Variants in CFH observed in about 807,000 individuals in gnomAD.
CFH encodes the protein complement factor H.
A neutral mutation model predicts 147.3 loss-of-function variants in CFH; 53 were observed. The observed-to-expected ratio is 0.36, with a 90% CI of 0.29 to 0.45. CFH has a LOEUF of 0.45. CFH is among the 20% of genes least tolerant of loss of function. The pLI, the probability that CFH is intolerant of heterozygous loss-of-function variation, is 1.00. For missense variants in CFH, 1,380 were observed against 1,498.0 expected, an observed-to-expected ratio of 0.92 and a Z score of 1.30; for synonymous variants, 536 against 489.4, an observed-to-expected ratio of 1.10 and a Z score of -1.26.
At chr1:196,674,863 A>T (rs1172644138) in intron 3 of CFH, among the ~76,000 whole-genome samples, 1 of 152,118 alleles carries the variant, frequency 6.6e-6, no homozygotes, top group Non-Finnish European at 1.5e-5. Flanking sequence ...TGCATCATGG[A>T]TTGGCAGGAA....
At chr1:196,724,978 T>C in intron 11 of CFH, 143 bp from the exon 12 acceptor site, 3 of 648,664 alleles carry the variant, frequency 4.6e-6, no homozygotes, top group East Asian at 2.8e-5. Flanking sequence ...ACATAATATG[T>C]AGCATTCTTT....
chr1:196,737,417 T>C, intron 16 of CFH, 58 bp from the exon 17 acceptor site: 1 of 1,196,834 alleles, frequency 8.4e-7, no homozygotes, highest in East Asian at 2.6e-5. Flanking sequence ...TTTAGTTTTA[T>C]ATTTCAATTT....
intron 1 of CFH, among the ~76,000 whole-genome samples, chr1:196,668,748 C>T (rs1416861055): frequency 6.6e-6 from 1 of 152,160 alleles, no homozygotes; most frequent in African/African-American, 2.4e-5. Flanking sequence ...TGAAGCCTCC[C>T]CAACCATGTG....
At chr1:196,656,655 A>G (rs959478853) in intron 1 of CFH, among the ~76,000 whole-genome samples, 2 of 146,902 alleles carry the variant, frequency 1.4e-5, no homozygotes, top group African/African-American at 5.0e-5. Context: ...CACAAGTACT[A>G]CTTAGTAATA....
chr1:196,666,878 A>T (rs1667114304), intron 1 of CFH, among the ~76,000 whole-genome samples: 1 of 151,720 alleles, frequency 6.6e-6, no homozygotes, highest in African/African-American at 2.4e-5. Flanking sequence ...TTCTGTTAGC[A>T]ATGTCTAGTG....
chr1:196,744,286 G>A (rs546957886), intron 20 of CFH, among the ~76,000 whole-genome samples: 1 of 151,668 alleles, frequency 6.6e-6, no homozygotes, highest in South Asian at 2.1e-4. Flanking sequence ...TCCTTTCATG[G>A]CCTGTTAACT....
At chr1:196,663,362 T>A (rs1666970704) in intron 1 of CFH, among the ~76,000 whole-genome samples, 1 of 152,220 alleles carries the variant, frequency 6.6e-6, no homozygotes, top group Admixed American at 6.5e-5. Flanking sequence ...GCTATTAAGC[T>A]GTCCATTGAT....
rs1668856996 is a variant in CFH, at chr1:196,715,777, C to T, written c.1696+8C>T. On this transcript the variant is annotated splice_region_variant and intron_variant, in intron 11 of 21. Coordinates refer to ENST00000367429, the MANE Select transcript of CFH (RefSeq NM_000186.4). The stretch of plus-strand genomic sequence containing the variant: ...ATTTACCCATATGTTATGGTAAGTA[C>T]TGGTTTTTCAGAAATTCATTTTCAA... 1 of 1,585,184 alleles carries T rather than the reference C, an allele frequency of 6.3e-7. No individual in the cohort carries two copies. The highest frequency in any genetic ancestry group is 1.8e-5 in the Admixed American group (1 of 55,490).
chr1:196,667,993 T>A (rs1667154460), intron 1 of CFH, among the ~76,000 whole-genome samples: 1 of 152,152 alleles, frequency 6.6e-6, no homozygotes, highest in Admixed American at 6.5e-5. Flanking sequence ...TTGCTACTAT[T>A]GTTTCATATT....
intron 1 of CFH, among the ~76,000 whole-genome samples, chr1:196,658,557 A>G (rs560750701): frequency 4.6e-5 from 7 of 151,286 alleles, no homozygotes; most frequent in African/African-American, 9.7e-5. Flanking sequence ...GACTACAGGC[A>G]CCCACCACCA....
intron 10 of CFH, among the ~76,000 whole-genome samples, chr1:196,715,357 T>C (rs1205572277): frequency 2.0e-5 from 3 of 152,092 alleles, no homozygotes; most frequent in Non-Finnish European, 4.4e-5. Flanking sequence ...GAAAAATGTT[T>C]TTAAAATATA....
intron 10 of CFH, among the ~76,000 whole-genome samples, 167 bp downstream of exon 10, chr1:196,714,084 C>T (rs1668788291): frequency 6.6e-6 from 1 of 151,760 alleles, no homozygotes; most frequent in Admixed American, 6.6e-5. Flanking sequence ...ATTAATTACT[C>T]AGATATTAGT....
intron 1 of CFH, among the ~76,000 whole-genome samples, chr1:196,654,631 T>C (rs1040791620): frequency 1.3e-5 from 2 of 152,202 alleles, no homozygotes; most frequent in Non-Finnish European, 2.9e-5. Context: ...AATTGTGTAC[T>C]ATATGAAATT....
intron 14 of CFH, 107 bp from the exon 15 acceptor site, chr1:196,728,239 G>T (rs979890045): frequency 1.1e-5 from 9 of 801,652 alleles, no homozygotes; most frequent in Non-Finnish European, 1.5e-5. Flanking sequence ...TAATGATTAA[G>T]TCATAATTTT....
At chr1:196,658,429 T>TTTTTTTTTTTTTTTTTG (rs1666785235) in intron 1 of CFH, among the ~76,000 whole-genome samples, 1 of 144,810 alleles carries the variant, frequency 6.9e-6, no homozygotes, top group East Asian at 2.0e-4. Flanking sequence ...TTTTTTTTTT[T>TTTTTTTTTTTTTTTTTG]GAGATGGAGT....
chr1:196,652,152 T>C lies in CFH; in HGVS notation c.35T>C (p.Leu12Ser). The C allele has an allele frequency of 1.2e-6, 2 of 1,612,164 alleles. No homozygotes were observed. The highest frequency in any genetic ancestry group is 1.7e-6 in the Non-Finnish European group (2 of 1,178,298). ...CTAGCAAAGATTATTTGCCTTATGT[T>C]ATGGGCTATTTGTGTAGCAGAAGGT... ...RLLAKIICLM[L>S]WAICVAEDCN... is the part of the protein sequence containing the mutation. The change falls in exon 1 of 22, where the codon TTA becomes TCA. Residue 12 changes from leucine (L) to serine (S), a missense_variant. Leu to Ser is a moderately radical substitution (Grantham distance 145). This residue lies in a region of CFH where 260 missense variants were observed against 263.3 expected (regional missense o/e 0.99). Transcript: ENST00000367429.
intron 21 of CFH, among the ~76,000 whole-genome samples, chr1:196,746,547 A>G (rs1055398514): frequency 2.0e-5 from 3 of 152,232 alleles, no homozygotes; most frequent in Non-Finnish European, 4.4e-5. Context: ...ATGTTTGACA[A>G]TATGTTGTTT....
chr1:196,728,964 A>C (rs909757029), intron 15 of CFH, among the ~76,000 whole-genome samples: 4 of 152,018 alleles, frequency 2.6e-5, no homozygotes, highest in African/African-American at 9.7e-5. Context: ...CTGTCTATTC[A>C]TCTACCTGTT....
At chr1:196,681,497 C>CA in intron 6 of CFH, among the ~76,000 whole-genome samples, 1 of 149,964 alleles carries the variant, frequency 6.7e-6, no homozygotes, top group Non-Finnish European at 1.5e-5. Context: ...CACACACACA[C>CA]CCCTCAAAGA....
Sources: gnomAD v4.1 joint callset for allele counts (sites outside exome capture counted in the v4.1 genomes callset) on GRCh38, gnomAD v4.1.1 for gene constraint, gnomAD v4.1.1 regional missense constraint, MANE v1.5 for transcripts, NCBI Gene and HGNC (gene_info 2026-07-23, HGNC 2026-07-21) for gene names.